The following NOP53 variants were observed in gnomAD, a reference collection of about 807,000 sequenced individuals.
NOP53 encodes ribosome biogenesis protein NOP53.
NOP53 carries 40 observed loss-of-function variants against 61.0 expected under a neutral mutation model. The ratio of observed to expected loss-of-function variants is 0.66; its 90% confidence interval spans 0.51 to 0.85. The LOEUF (loss-of-function observed/expected upper bound fraction) is 0.85, where lower values mean the gene tolerates loss of function less well. Among genes scored for constraint, NOP53 ranks in the 40% least tolerant of loss-of-function variants. The probability of loss-of-function intolerance (pLI) is 0.00; values close to 1 mark genes in which losing one functional copy is unlikely to be tolerated. For synonymous variants in NOP53, 308 were observed against 289.5 expected, an observed-to-expected ratio of 1.06 and a Z score of -0.65; for missense variants, 689 against 652.9, an observed-to-expected ratio of 1.06 and a Z score of -0.60.
At chr19:47,750,845 G>C in intron 3 of NOP53, 63 bp from the exon 4 acceptor site, 1 of 1,390,442 alleles carries the variant, frequency 7.2e-7, no homozygotes, top group Non-Finnish European at 1.0e-6. Flanking sequence ...ACGGGGAGGA[G>C]GCCCTGCTGC....
At chr19:47,750,034 T>C (rs1394695589) in intron 2 of NOP53, 144 bp from the exon 3 acceptor site, 2 of 563,932 alleles carry the variant, frequency 3.5e-6, no homozygotes, top group Non-Finnish European at 6.5e-6. Context: ...GGCCTCTACC[T>C]CCAGGTAGGA....
chr19:47,751,824 G>A (rs1451090795), intron 5 of NOP53, among the ~76,000 whole-genome samples: 2 of 152,154 alleles, frequency 1.3e-5, no homozygotes, highest in Non-Finnish European at 2.9e-5. Context: ...GATGAGGGCC[G>A]GGCATGGTGG....
chr19:47,750,395 C>T (rs1020013514), intron 3 of NOP53, 109 bp downstream of exon 3: 2 of 717,206 alleles, frequency 2.8e-6, no homozygotes, highest in Non-Finnish European at 5.0e-6. Context: ...GTAGGGCAGG[C>T]TCAGGTTTGG....
chr19:47,754,618 A>G lies in NOP53; in HGVS notation c.857A>G (p.Gln286Arg), dbSNP rs1015468840. 2.3e-5 allele frequency: 35 copies of G among 1,549,080 alleles called. No homozygotes were observed. Among genetic ancestry groups the G allele is most frequent in the Admixed American group, 3.9e-5 (2 of 50,998 alleles). ...CAGCTGGCCCTGCCCGCCACGGAGC[A>G]GGCCGCCACCCAGGTGAGCCCCGCA... is the stretch of plus-strand genomic sequence containing the variant. ...ERQLALPATE[Q>R]AATQESTFQE... The change falls in exon 7 of 13, where the codon CAG (glutamine) becomes CGG (arginine). Residue 286 changes from glutamine (Q) to arginine (R), a missense_variant. By Grantham distance (43) the Gln-to-Arg change is conservative. Transcript: ENST00000246802. The surrounding 1 kb of genome is among the most constrained non-coding windows in gnomAD (Gnocchi z 4.2).
chr19:47,752,320 C>T (rs1026194343), intron 5 of NOP53, among the ~76,000 whole-genome samples, 192 bp from the exon 6 acceptor site: 2 of 152,070 alleles, frequency 1.3e-5, no homozygotes, highest in Admixed American at 6.6e-5. Context: ...GGCTCAGCCT[C>T]GTGGGTAGCA....
At position 47,745,784 on chromosome 19, in the gene NOP53, G is replaced by T; in HGVS notation, c.224+1G>T. 6.5e-7 allele frequency: 1 copy of T among 1,536,544 alleles called. No homozygotes were observed. The highest frequency in any genetic ancestry group is 2.3e-5 in the East Asian group (1 of 42,992). On this transcript the variant is annotated splice_donor_variant, in intron 1 of 12. Coordinates refer to ENST00000246802, the MANE Select transcript of NOP53 (RefSeq NM_015710.5). LOFTEE classifies it high-confidence loss of function. ...TGCGGCTACAGGAGCGCACGAGCGG[G>T]TACGTTGGGCGGGACTTCCGGGAGG...
intron 2 of NOP53, among the ~76,000 whole-genome samples, chr19:47,747,294 A>G (rs989517488): frequency 6.6e-6 from 1 of 152,130 alleles, no homozygotes; most frequent in African/African-American, 2.4e-5. Context: ...AATAAGTTAG[A>G]AACACATTAA....
intron 2 of NOP53, 114 bp downstream of exon 2, chr19:47,747,145 C>T (rs952273468): frequency 8.6e-6 from 7 of 814,758 alleles, no homozygotes; most frequent in Non-Finnish European, 1.4e-5. Context: ...TCTGCGGAAA[C>T]AGGTCAACCT....
In NOP53 at chr19:47,754,852, G is replaced by A. The variant is rs1341614630; in HGVS notation, c.1014G>A (p.Thr338=). 9 of 1,538,092 alleles carry A rather than the reference G, an allele frequency of 5.9e-6. No homozygotes were observed. The Admixed American group carries it at 9.6e-5, about 16-fold the overall frequency. ...GCCTGGCCACCACAGAGAAGAAGAC[G>A]GAGCAGCAGCGGCGGCGGGAGAAGG... The part of the protein sequence containing the change: ...PARLATTEKK[T]EQQRRREKAV... The change falls in exon 8 of 13, where the codon ACG becomes ACA. Residue 338 remains threonine, a synonymous_variant. Coordinates refer to ENST00000246802, the MANE Select transcript of NOP53 (RefSeq NM_015710.5). This position sits in a 1 kb window ranked among gnomAD's most constrained non-coding sequence, Gnocchi z 4.2.
At chr19:47,752,491 G>C in intron 5 of NOP53, 21 bp from the exon 6 acceptor site, 1 of 1,515,300 alleles carries the variant, frequency 6.6e-7, no homozygotes, top group Non-Finnish European at 9.1e-7. Flanking sequence ...GCCTTACCCT[G>C]CCTCGGCCTT....
At chr19:47,756,822 T>C (rs889142) in intron 12 of NOP53, 78 bp downstream of exon 12, 1,096,673 of 1,532,808 alleles carry the variant, frequency 0.72, 394,429 homozygotes, top group African/African-American at 0.84. Flanking sequence ...CAGGGCCCCT[T>C]CCAGAGTGTG....
intron 2 of NOP53, among the ~76,000 whole-genome samples, chr19:47,748,313 A>C (rs1967087915): frequency 6.6e-6 from 1 of 152,120 alleles, no homozygotes; most frequent in African/African-American, 2.4e-5. Flanking sequence ...GCTAGAATGT[A>C]GGGTGGGGAT....
At chr19:47,747,498 C>T (rs893329992) in intron 2 of NOP53, among the ~76,000 whole-genome samples, 1 of 152,000 alleles carries the variant, frequency 6.6e-6, no homozygotes, top group Non-Finnish European at 1.5e-5. Flanking sequence ...AAAAATTAGC[C>T]AGTTGTGGTG....
rs1967098503 is a variant in NOP53, at chr19:47,749,358, A to G, written c.290-820A>G. 3.3e-5 allele frequency among the ~76,000 whole-genome samples: 5 copies of G among 152,240 alleles called. No individual in the cohort carries two copies. In the South Asian group the frequency reaches 1.0e-3, roughly 32 times the overall value. On this transcript the variant is annotated intron_variant, in intron 2 of 12. Coordinates refer to ENST00000246802, the MANE Select transcript of NOP53 (RefSeq NM_015710.5). Reference sequence around the variant, plus strand: ...GCAGTTTATGGGTTCCACTTTAGTAAGGAAACACGGACAAAGATCATAGTG... The same window carrying G: ...GCAGTTTATGGGTTCCACTTTAGTAGGGAAACACGGACAAAGATCATAGTG...
rs763505494 is a variant in NOP53 at position 47,754,699 on chromosome 19, G to A, written c.871-10G>A. On this transcript the variant is annotated splice_polypyrimidine_tract_variant and intron_variant, in intron 7 of 12. Coordinates refer to ENST00000246802, the MANE Select transcript of NOP53 (RefSeq NM_015710.5). The surrounding 1 kb of genome is among the most constrained non-coding windows in gnomAD (Gnocchi z 4.2). The stretch of plus-strand genomic sequence containing the variant: ...CTACCCACCCCTGACACTGCACCCC[G>A]CCTCCCCAGGAGTCCACATTCCAGG... 5 of 1,374,464 alleles carry A rather than the reference G, an allele frequency of 3.6e-6. No individual in the cohort carries two copies. The highest frequency in any genetic ancestry group is 3.9e-6 in the Non-Finnish European group (4 of 1,033,424). The allele number at this position is 1,374,464 out of a possible 1,614,324, so 85.1% of individuals were successfully genotyped here. A position where few individuals can be genotyped will look rare whatever the true frequency, so the allele number is the denominator to read the frequency against.
At chr19:47,753,071 G>A (rs79134284) in intron 6 of NOP53, 4,885 of 161,434 alleles carry the variant, frequency 0.03, 136 homozygotes, top group Middle Eastern at 0.06. Context: ...CTAGCTCAGC[G>A]ATGGGAAAGT....
chr19:47,750,307 G>A (rs924188832), intron 3 of NOP53, 21 bp downstream of exon 3: 1 of 1,435,270 alleles, frequency 7.0e-7, no homozygotes, highest in Non-Finnish European at 9.8e-7. Flanking sequence ...CAGCATCCCT[G>A]GGCCCTTCTT....
intron 2 of NOP53, among the ~76,000 whole-genome samples, chr19:47,749,860 C>T (rs767471301): frequency 2.0e-5 from 3 of 152,106 alleles, no homozygotes; most frequent in Non-Finnish European, 2.9e-5. Flanking sequence ...GGATTACAGG[C>T]GTGAGCCACC....
In NOP53 at chr19:47,754,640, C is replaced by G; in HGVS notation, c.870+9C>G. On this transcript the variant is annotated intron_variant, in intron 7 of 12. Transcript: ENST00000246802. The surrounding 1 kb of genome is among the most constrained non-coding windows in gnomAD (Gnocchi z 4.2). ...AGCAGGCCGCCACCCAGGTGAGCCC[C>G]GCACCTGCCCACTCCCTCCCCTCCC... is the stretch of plus-strand genomic sequence containing the variant. 1.9e-6 allele frequency: 3 copies of G among 1,546,982 alleles called. No individual in the cohort carries two copies. In the South Asian group the frequency reaches 3.6e-5, roughly 18 times the overall value.
Sources: allele counts gnomAD v4.1 joint callset (sites outside exome capture counted in the v4.1 genomes callset), GRCh38; gene constraint gnomAD v4.1.1; non-coding constraint Gnocchi (gnomAD v3.1); transcripts MANE v1.5; gene names NCBI Gene and HGNC (gene_info 2026-07-23, HGNC 2026-07-21).